ULK4: variants seen among roughly 807,000 people sequenced by gnomAD.
ULK4 encodes the protein inactive serine/threonine-protein kinase ULK4.
A neutral mutation model predicts 160.6 loss-of-function variants in ULK4; 133 were observed. The observed-to-expected ratio is 0.83, with a 90% CI of 0.72 to 0.96. The LOEUF (loss-of-function observed/expected upper bound fraction) is 0.96, where lower values mean the gene tolerates loss of function less well. ULK4 is among the 40% of genes least tolerant of loss of function. The probability of loss-of-function intolerance (pLI) is 0.00; values close to 1 mark genes in which losing one functional copy is unlikely to be tolerated. For synonymous variants in ULK4, 534 were observed against 539.8 expected, an observed-to-expected ratio of 0.99 and a Z score of 0.15; for missense variants, 1,580 against 1,499.5, an observed-to-expected ratio of 1.05 and a Z score of -0.89.
In ULK4 at chr3:41,412,131, T is replaced by C. The variant is rs545725859; in HGVS notation, c.3493-13867A>G. Reference sequence around the variant, plus strand: ...GATTCAAGGAAAAAAACACAAAATCTATTGCAATTTTCACGTAAGTACCAA... The same window carrying C: ...GATTCAAGGAAAAAAACACAAAATCCATTGCAATTTTCACGTAAGTACCAA... On this transcript the variant is annotated intron_variant, in intron 34 of 36. Coordinates refer to ENST00000301831, the MANE Select transcript of ULK4 (RefSeq NM_017886.4). 3.9e-5 allele frequency among the ~76,000 whole-genome samples: 6 copies of C among 152,282 alleles called. No homozygotes were observed. In the South Asian group the frequency reaches 8.3e-4, roughly 21 times the overall value.
At chr3:41,935,209 ATTTTTTTTTTTTTTTTT>A (rs10524611) in intron 4 of ULK4, among the ~76,000 whole-genome samples, 4 of 135,556 alleles carry the variant, frequency 3.0e-5, no homozygotes, top group African/African-American at 6.5e-5. Flanking sequence ...TTATTTATTT[ATTTTTTTTTTTTTTTTT>A]TTTTTTTTTT....
At chr3:41,935,984 TCA>T in intron 3 of ULK4, 44 bp from the exon 4 acceptor site, 1 of 1,523,086 alleles carries the variant, frequency 6.6e-7, no homozygotes, top group Non-Finnish European at 8.8e-7. Context: ...CCCCCTACCA[TCA>T]CAGAGTGCCC....
chr3:41,918,181 G>T (rs985871430), intron 7 of ULK4, among the ~76,000 whole-genome samples: 5 of 152,118 alleles, frequency 3.3e-5, no homozygotes, highest in African/African-American at 4.8e-5. Context: ...TCACATAAGG[G>T]TTTAAGTTTT....
chr3:41,357,318 C>T (rs1274890283), intron 35 of ULK4, among the ~76,000 whole-genome samples: 1 of 152,160 alleles, frequency 6.6e-6, no homozygotes, highest in Non-Finnish European at 1.5e-5. Context: ...CTTGCCTCCT[C>T]AAGAAAGATA....
chr3:41,829,667 G>A (rs1189146623), intron 18 of ULK4, among the ~76,000 whole-genome samples: 1 of 152,112 alleles, frequency 6.6e-6, no homozygotes, highest in Admixed American at 6.5e-5. Flanking sequence ...AGAGGATGTG[G>A]AGAAATAGGA....
intron 1 of ULK4, chr3:41,955,810 A>G (rs1700464286): frequency 6.8e-6 from 1 of 146,294 alleles, no homozygotes; most frequent in South Asian, 2.2e-4. Flanking sequence ...AAAAAAAAAA[A>G]GTGAAAATAA....
At chr3:41,430,562 A>C (rs146087290) in intron 34 of ULK4, among the ~76,000 whole-genome samples, 75 of 152,302 alleles carry the variant, frequency 4.9e-4, no homozygotes, top group Middle Eastern at 3.4e-3. Flanking sequence ...AGCTACAATG[A>C]AATTGTTGGA....
Position 41,506,765 on chromosome 3 carries a change from A to AAAAAAAAAAAAAAAATATATAT in ULK4, c.3227-43513_3227-43512insATATATATTTTTTTTTTTTTTT, listed in dbSNP as rs1491135487. On this transcript the variant is annotated intron_variant, in intron 32 of 36. Transcript: ENST00000301831. ...AAAGCAATACACTGGAGTGTGATTTAAAATATATATATATATATATATATA... is the reference window on the plus strand; with the variant it reads ...AAAGCAATACACTGGAGTGTGATTTAAAAAAAAAAAAAAAATATATATAAATATATATATATATATATATATA... Among the ~76,000 whole-genome samples the AAAAAAAAAAAAAAAATATATAT allele has an allele frequency of 7.7e-4, 8 of 10,448 alleles. 1 individual carries two copies. Among genetic ancestry groups the AAAAAAAAAAAAAAAATATATAT allele is most frequent in the Non-Finnish European group, 1.1e-3 (5 of 4,456 alleles). The allele number at this position is 10,448 out of a possible 152,430, so 6.9% of individuals were successfully genotyped here.
intron 35 of ULK4, among the ~76,000 whole-genome samples, chr3:41,268,763 C>T (rs1344268975): frequency 1.4e-5 from 2 of 144,752 alleles, no homozygotes; most frequent in Non-Finnish European, 3.0e-5. Flanking sequence ...CGAGATCGCA[C>T]ACTGCACTCC....
chr3:41,423,864 C>T (rs979593969), intron 34 of ULK4, among the ~76,000 whole-genome samples: 20 of 152,158 alleles, frequency 1.3e-4, no homozygotes, highest in African/African-American at 4.3e-4. Flanking sequence ...TGGATCTATG[C>T]GACCCACAGA....
rs757763693 is a variant in ULK4 at position 41,663,631 on chromosome 3, G to A, written c.3047C>T (p.Thr1016Ile). 3 of 1,613,988 alleles carry A rather than the reference G, an allele frequency of 1.9e-6. No individual in the cohort carries two copies. The highest frequency in any genetic ancestry group is 1.7e-6 in the Non-Finnish European group (2 of 1,179,894). The part of the protein sequence containing the change: ...AYALKLLVAM[T>I]EHNPTFTRLV... ...CCTTGTGAAAGTTGGGTTGTGTTCA[G>A]TCATCGCGACTAGCAGTTTCAGAGC... The change falls in exon 30 of 37, where the codon ACT becomes ATT. Residue 1016 changes from threonine (T) to isoleucine (I), a missense_variant. Physicochemically the swap from Thr to Ile is moderately conservative, Grantham distance 89. Coordinates refer to ENST00000301831, the MANE Select transcript of ULK4 (RefSeq NM_017886.4).
At chr3:41,253,896 G>A (rs1319945454) in intron 35 of ULK4, among the ~76,000 whole-genome samples, 2 of 152,134 alleles carry the variant, frequency 1.3e-5, no homozygotes, top group African/African-American at 4.8e-5. Flanking sequence ...TCAGAGCAAA[G>A]AAAATTACCA....
intron 35 of ULK4, among the ~76,000 whole-genome samples, chr3:41,389,519 A>G (rs1029970556): frequency 6.6e-6 from 1 of 152,160 alleles, no homozygotes; most frequent in African/African-American, 2.4e-5. Context: ...TGTCATAGAT[A>G]GCTCTTATTA....
chr3:41,635,380 C>A (rs1178735290), intron 30 of ULK4, among the ~76,000 whole-genome samples: 1 of 151,696 alleles, frequency 6.6e-6, no homozygotes, highest in East Asian at 1.9e-4. Flanking sequence ...ATAGTTTTGT[C>A]CTAATTATAA....
intron 31 of ULK4, among the ~76,000 whole-genome samples, chr3:41,572,771 A>G (rs1247317658): frequency 6.6e-6 from 1 of 151,940 alleles, no homozygotes; most frequent in African/African-American, 2.4e-5. Flanking sequence ...ATCTCAAAAA[A>G]AAAAAAAAAA....
At chr3:41,273,045 T>C (rs1346635887) in intron 35 of ULK4, among the ~76,000 whole-genome samples, 1 of 152,242 alleles carries the variant, frequency 6.6e-6, no homozygotes, top group Non-Finnish European at 1.5e-5. Flanking sequence ...TTGGCTTTGA[T>C]AGACTGTATT....
At chr3:41,258,128 T>C (rs2078870419) in intron 35 of ULK4, among the ~76,000 whole-genome samples, 1 of 152,162 alleles carries the variant, frequency 6.6e-6, no homozygotes, top group East Asian at 1.9e-4. Context: ...GAACCAGCCC[T>C]CTTTTAGAAA....
intron 31 of ULK4, among the ~76,000 whole-genome samples, chr3:41,586,572 G>A (rs535860624): frequency 6.6e-6 from 1 of 152,236 alleles, no homozygotes; most frequent in South Asian, 2.1e-4. Flanking sequence ...GAGATTCATT[G>A]TATAACAATG....
intron 31 of ULK4, among the ~76,000 whole-genome samples, chr3:41,574,614 TC>T (rs1385876831): frequency 1.4e-5 from 2 of 139,384 alleles, no homozygotes; most frequent in East Asian, 4.7e-4. Context: ...AGATCTCAGC[TC>T]AATGCAAGCT....
Sources: gnomAD v4.1 joint callset for allele counts (sites outside exome capture counted in the v4.1 genomes callset) on GRCh38, gnomAD v4.1.1 for gene constraint, MANE v1.5 for transcripts, NCBI Gene and HGNC (gene_info 2026-07-23, HGNC 2026-07-21) for gene names.